The following KDM2A variants were observed in gnomAD, a reference collection of about 807,000 sequenced individuals.
The protein encoded by KDM2A is lysine-specific demethylase 2A.
KDM2A carries 3 observed loss-of-function variants against 137.3 expected under a neutral mutation model. The observed-to-expected ratio is 0.02, with a 90% CI of 0.01 to 0.06. The LOEUF (loss-of-function observed/expected upper bound fraction) is 0.06. KDM2A is among the 10% of genes least tolerant of loss of function. The pLI, the probability that KDM2A is intolerant of heterozygous loss-of-function variation, is 1.00. For missense variants in KDM2A, 738 were observed against 1,510.6 expected (o/e 0.49, Z 8.48); for synonymous variants, 512 against 541.5 (o/e 0.95, Z 0.76).
At chr11:67,225,880 G>A (rs1590804867) in intron 10 of KDM2A, among the ~76,000 whole-genome samples, 1 of 151,490 alleles carries the variant, frequency 6.6e-6, no homozygotes, top group African/African-American at 2.4e-5. Context: ...GCCTGGCCAA[G>A]ATGGTGAAAC....
At chr11:67,143,887 C>G (rs1263560457) in intron 2 of KDM2A, among the ~76,000 whole-genome samples, 1 of 152,076 alleles carries the variant, frequency 6.6e-6, no homozygotes, top group African/African-American at 2.4e-5. Flanking sequence ...CTGCGTCGGC[C>G]TCCCAAAGTG....
At chr11:67,197,752 C>T (rs1480481834) in intron 5 of KDM2A, among the ~76,000 whole-genome samples, 1 of 152,126 alleles carries the variant, frequency 6.6e-6, no homozygotes, top group East Asian at 1.9e-4. Flanking sequence ...TAATCTTGGA[C>T]AAGTTACTTA....
chr11:67,253,988 A>G (rs1461214977), intron 19 of KDM2A, among the ~76,000 whole-genome samples: 2 of 152,230 alleles, frequency 1.3e-5, no homozygotes, highest in African/African-American at 2.4e-5. Context: ...TGCATGAGGC[A>G]TAATCTAGCA....
chr11:67,223,554 C>T (rs1046665426), intron 10 of KDM2A, among the ~76,000 whole-genome samples: 1 of 152,146 alleles, frequency 6.6e-6, no homozygotes, highest in African/African-American at 2.4e-5. Flanking sequence ...AGACGCACAC[C>T]ACCACACCTG....
At chr11:67,165,657 A>G (rs548893175) in intron 2 of KDM2A, among the ~76,000 whole-genome samples, 1 of 152,144 alleles carries the variant, frequency 6.6e-6, no homozygotes, top group Non-Finnish European at 1.5e-5. Flanking sequence ...TTTATAGACT[A>G]TCTTCTGGTT....
chr11:67,168,545 T>C (rs1426074362), intron 2 of KDM2A, among the ~76,000 whole-genome samples: 1 of 109,950 alleles, frequency 9.1e-6, no homozygotes, highest in Non-Finnish European at 1.8e-5. Context: ...TGAATTATAA[T>C]ACACACACAC....
chr11:67,227,963 A>G, intron 10 of KDM2A, 74 bp from the exon 11 acceptor site: 1 of 1,466,666 alleles, frequency 6.8e-7, no homozygotes, highest in Non-Finnish European at 9.5e-7. Flanking sequence ...TGGGTTAATG[A>G]TTACAGTAAT....
chr11:67,254,639 C>A lies in KDM2A; in HGVS notation c.3307+221C>A. The A allele has an allele frequency of 1.6e-6, 1 of 639,228 alleles. No individual in the cohort carries two copies. Among genetic ancestry groups the A allele is most frequent in the Non-Finnish European group, 2.7e-6 (1 of 367,062 alleles). The allele number at this position is 639,228 out of a possible 1,614,324, so 39.6% of individuals were successfully genotyped here. On this transcript the variant is annotated intron_variant, in intron 20 of 20. Transcript: ENST00000529006. The surrounding 1 kb of genome is among the most constrained non-coding windows in gnomAD (Gnocchi z 4.7). ...GTTGCCTGTCTGCGCAGCCAACATC[C>A]AGCTGGAGTTTGGTCAGCCTTGCAG... is the stretch of plus-strand genomic sequence containing the variant.
rs746416505 is a variant in KDM2A, at chr11:67,255,557, G to A, written c.*502G>A. 20 of 456,706 alleles carry A rather than the reference G, an allele frequency of 4.4e-5. No individual in the cohort carries two copies. Among genetic ancestry groups the A allele is most frequent in the Admixed American group, 2.8e-4 (12 of 42,568 alleles). The allele number at this position is 456,706 out of a possible 1,614,324, so 28.3% of individuals were successfully genotyped here. Reference sequence around the variant, plus strand: ...GCGCAGGAGGGGCCAGCAGCCCCAGGAGTCCCAGACCCGTGCCGATCACAC... The same window carrying A: ...GCGCAGGAGGGGCCAGCAGCCCCAGAAGTCCCAGACCCGTGCCGATCACAC... On this transcript the variant is annotated 3_prime_UTR_variant, in exon 21 of 21. Coordinates refer to ENST00000529006, the MANE Select transcript of KDM2A (RefSeq NM_012308.3).
In KDM2A at chr11:67,247,076, T is replaced by A. The variant is rs12420356; in HGVS notation, c.1965+960T>A. 7.9e-3 allele frequency among the ~76,000 whole-genome samples: 558 copies of A among 70,536 alleles called. 3 individuals carry two copies. Among genetic ancestry groups the A allele is most frequent in the African/African-American group, 0.018 (268 of 14,590 alleles). 46.3% of individuals were successfully genotyped at this position (70,536 alleles called of 152,430 possible). On this transcript the variant is annotated intron_variant, in intron 15 of 20. Transcript: ENST00000529006. ...ATATATATATATATATATATATTTTTTTTTTTTTTTTTTTTTTTTTTTTTT... is the reference window on the plus strand; with the variant it reads ...ATATATATATATATATATATATTTTATTTTTTTTTTTTTTTTTTTTTTTTT...
Position 67,255,925 on chromosome 11 carries a change from C to T in KDM2A, c.*870C>T, listed in dbSNP as rs1053053279. Reference sequence around the variant, plus strand: ...CTTCATTCTGCCTGAAGAAGGCTTTCCCAGGATGCACGTCCTCAGAGGGAG... The same window carrying T: ...CTTCATTCTGCCTGAAGAAGGCTTTTCCAGGATGCACGTCCTCAGAGGGAG... On this transcript the variant is annotated 3_prime_UTR_variant, in exon 21 of 21. Coordinates refer to ENST00000529006, the MANE Select transcript of KDM2A (RefSeq NM_012308.3). 1 of 241,328 alleles carries T rather than the reference C, an allele frequency of 4.1e-6. No homozygotes were observed. Among genetic ancestry groups the T allele is most frequent in the South Asian group, 4.2e-5 (1 of 23,638 alleles). The allele number at this position is 241,328 out of a possible 1,614,324, so 14.9% of individuals were successfully genotyped here.
At chr11:67,148,495 T>C (rs1267261349) in intron 2 of KDM2A, among the ~76,000 whole-genome samples, 1 of 152,008 alleles carries the variant, frequency 6.6e-6, no homozygotes, top group African/African-American at 2.4e-5. Flanking sequence ...ATATCTTTTT[T>C]CCCCCATCAG....
intron 5 of KDM2A, among the ~76,000 whole-genome samples, chr11:67,203,041 G>C (rs557490263): frequency 6.6e-6 from 1 of 150,758 alleles, no homozygotes; most frequent in Admixed American, 6.6e-5. Context: ...ACACTTCAGC[G>C]AAAGAAAAAG....
chr11:67,120,723 T>C (rs1203077393), intron 1 of KDM2A, among the ~76,000 whole-genome samples: 1 of 152,126 alleles, frequency 6.6e-6, no homozygotes, highest in African/African-American at 2.4e-5. Flanking sequence ...TGCACGGCCT[T>C]ACAGGAGGGG....
intron 4 of KDM2A, 34 bp downstream of exon 4, chr11:67,181,432 A>C: frequency 6.7e-7 from 1 of 1,486,138 alleles, no homozygotes; most frequent in Non-Finnish European, 9.3e-7. Context: ...ATGTAGTTGC[A>C]AAATGGCCTC....
chr11:67,138,057 A>G lies in KDM2A; in HGVS notation c.42+16699A>G, dbSNP rs139758650. 3.6e-3 allele frequency among the ~76,000 whole-genome samples: 543 copies of G among 152,212 alleles called. 2 individuals are homozygous for G. Among genetic ancestry groups the G allele is most frequent in the Middle Eastern group, 0.027 (8 of 294 alleles). On this transcript the variant is annotated intron_variant, in intron 2 of 20. Coordinates refer to ENST00000529006, the MANE Select transcript of KDM2A (RefSeq NM_012308.3). ...GTGATTCGCCTGCCTCAGCCTCCCA[A>G]AGTGCTGGGATTACAGGCGTGAACC...
At chr11:67,156,063 A>G (rs887287603) in intron 2 of KDM2A, among the ~76,000 whole-genome samples, 5 of 148,046 alleles carry the variant, frequency 3.4e-5, no homozygotes, top group African/African-American at 4.9e-5. Context: ...CAGCCTGACC[A>G]ATGTGGAGAA....
rs763880528 is a variant in KDM2A at position 67,219,431 on chromosome 11, G to T, written c.957+28G>T. 19 of 1,301,382 alleles carry T rather than the reference G, an allele frequency of 1.5e-5. No individual in the cohort carries two copies. In the African/African-American group the frequency reaches 2.8e-4, roughly 19 times the overall value. 80.6% of individuals were successfully genotyped at this position (1,301,382 alleles called of 1,614,324 possible). A position where few individuals can be genotyped will look rare whatever the true frequency, so the allele number is the denominator to read the frequency against. On this transcript the variant is annotated intron_variant, in intron 10 of 20. Transcript: ENST00000529006. ...AAGTAATCTTATGTAACAGTTGCATGTGAAGAGGTTTACTCCAGTTATGAT... is the reference window on the plus strand; with the variant it reads ...AAGTAATCTTATGTAACAGTTGCATTTGAAGAGGTTTACTCCAGTTATGAT...
rs756609261 is a variant in KDM2A at position 67,253,508 on chromosome 11, C to T, written c.2988C>T (p.Ser996=). 4 of 1,613,932 alleles carry T rather than the reference C, an allele frequency of 2.5e-6. No homozygotes were observed. The highest frequency in any genetic ancestry group is 3.4e-6 in the Non-Finnish European group (4 of 1,179,836). ...CCTGGTCTGCAGTCTCTGCCCTCAG[C>T]ACCTCCAGCTGCCCCCTTCTCAGGA... The part of the protein sequence containing the change: ...GCSWSAVSAL[S]TSSCPLLRTL... Residue 996 remains serine (S), a synonymous_variant, in exon 19 of 21, where the codon AGC becomes AGT. Coordinates refer to ENST00000529006, the MANE Select transcript of KDM2A (RefSeq NM_012308.3).
Sources: allele counts gnomAD v4.1 joint callset (sites outside exome capture counted in the v4.1 genomes callset), GRCh38; gene constraint gnomAD v4.1.1; non-coding constraint Gnocchi (gnomAD v3.1); transcripts MANE v1.5; gene names NCBI Gene and HGNC (gene_info 2026-07-23, HGNC 2026-07-21).